The following CPSF4 variants were observed in gnomAD, a reference collection of about 807,000 sequenced individuals.
The protein encoded by CPSF4 is cleavage and polyadenylation specific factor 4.
In CPSF4, 11 loss-of-function variants were observed where a neutral mutation model predicts 37.7. The ratio of observed to expected loss-of-function variants is 0.29; its 90% CI spans 0.18 to 0.48. The LOEUF is 0.48. CPSF4 is among the 20% of genes least tolerant of loss of function. CPSF4 has a pLI of 0.99. For missense variants in CPSF4, 144 were observed against 359.5 expected, an observed-to-expected ratio of 0.40 and a Z score of 4.85; for synonymous variants, 132 against 135.9, an observed-to-expected ratio of 0.97 and a Z score of 0.20.
chr7:99,448,047 C>G lies in CPSF4; in HGVS notation c.155-74C>G, dbSNP rs1797668935. The stretch of plus-strand genomic sequence containing the variant: ...CAGGAGTTAGGAAGTGAAGGTACCT[C>G]AGCTTCTTCAGGCCGTGTCCCCCAG... On this transcript the variant is annotated intron_variant, in intron 2 of 7. Transcript: ENST00000292476. This position sits in a 1 kb window ranked among gnomAD's most constrained non-coding sequence, Gnocchi z 4.4. The G allele has an allele frequency of 5.3e-6, 8 of 1,510,390 alleles. No individual in the cohort carries two copies. Among genetic ancestry groups the G allele is most frequent in the Non-Finnish European group, 7.3e-6 (8 of 1,102,800 alleles). 93.6% of individuals were successfully genotyped at this position (1,510,390 alleles called of 1,614,324 possible). A position where few individuals can be genotyped will look rare whatever the true frequency, so the allele number is the denominator to read the frequency against.
chr7:99,452,367 G>T lies in CPSF4; in HGVS notation c.498-1G>T. 6.2e-7 allele frequency: 1 copy of T among 1,613,732 alleles called. No homozygotes were observed. Among genetic ancestry groups the T allele is most frequent in the Non-Finnish European group, 8.5e-7 (1 of 1,179,784 alleles). ...CATCCCCTCTGGCTGCTGGTGACCA[G>T]CCCTCGATTTGAACTGCCCATGGGA... On this transcript the variant is annotated splice_acceptor_variant, in intron 5 of 7. Coordinates refer to ENST00000292476, the MANE Select transcript of CPSF4 (RefSeq NM_006693.4). LOFTEE classifies it high-confidence loss of function.
rs1562868115 is a variant in CPSF4 at position 99,456,582 on chromosome 7, G to GC, written c.*83dup. 4.2e-6 allele frequency: 5 copies of GC among 1,204,222 alleles called. No individual in the cohort carries two copies. The South Asian group carries it at 6.2e-5, about 15-fold the overall frequency. The allele number at this position is 1,204,222 out of a possible 1,614,324, so 74.6% of individuals were successfully genotyped here. ...TTAACTGTTTCATGCGCTTGTTGGC[G>GC]CGACTGTGGCTCGAGCTGGCCCGCA... On this transcript the variant is annotated 3_prime_UTR_variant, in exon 8 of 8. Transcript: ENST00000292476.
chr7:99,442,959 C>T, intron 1 of CPSF4: 2 of 1,593,062 alleles, frequency 1.3e-6, no homozygotes, highest in African/African-American at 1.3e-5. Context: ...TCCAGCTGAA[C>T]TTGTGACAAT....
chr7:99,444,753 CT>C, intron 1 of CPSF4, 35 bp from the exon 2 acceptor site: 1 of 1,602,052 alleles, frequency 6.2e-7, no homozygotes. Context: ...CAAATTGCAC[CT>C]CTTTGATTCC....
Position 99,448,497 on chromosome 7 carries a change from G to T in CPSF4, c.307+224G>T. 2.1e-6 allele frequency: 1 copy of T among 469,248 alleles called. No individual in the cohort carries two copies. Among genetic ancestry groups the T allele is most frequent in the African/African-American group, 2.2e-5 (1 of 45,428 alleles). The allele number at this position is 469,248 out of a possible 1,614,324, so 29.1% of individuals were successfully genotyped here. Reference sequence around the variant, plus strand: ...TTTTTTTTTAAAGACATAGGGTCTCGCTATGTTTCACATACTGGTCTTGAA... The same window carrying T: ...TTTTTTTTTAAAGACATAGGGTCTCTCTATGTTTCACATACTGGTCTTGAA... On this transcript the variant is annotated intron_variant, in intron 3 of 7. Transcript: ENST00000292476. The surrounding 1 kb of genome is among the most constrained non-coding windows in gnomAD (Gnocchi z 4.4).
chr7:99,450,454 C>T (rs1468630457), intron 4 of CPSF4, 83 bp downstream of exon 4: 6 of 971,400 alleles, frequency 6.2e-6, no homozygotes, highest in Non-Finnish European at 8.0e-6. Flanking sequence ...GCCAGCTGGT[C>T]TACCTGTCCC....
In CPSF4 at chr7:99,456,981, C is replaced by G. The variant is rs953248644; in HGVS notation, c.*481C>G. 1 of 262,774 alleles carries G rather than the reference C, an allele frequency of 3.8e-6. No homozygotes were observed. Among genetic ancestry groups the G allele is most frequent in the Admixed American group, 4.8e-5 (1 of 20,974 alleles). The allele number at this position is 262,774 out of a possible 1,614,324, so 16.3% of individuals were successfully genotyped here. On this transcript the variant is annotated 3_prime_UTR_variant, in exon 8 of 8. Coordinates refer to ENST00000292476, the MANE Select transcript of CPSF4 (RefSeq NM_006693.4). The stretch of plus-strand genomic sequence containing the variant: ...TATATCTGTGATTTGAATGAGGGAG[C>G]CCTTTGGGGCAAATTCAGGTGCCCC...
intron 1 of CPSF4, chr7:99,439,484 C>G: frequency 3.0e-6 from 1 of 330,038 alleles, no homozygotes; most frequent in African/African-American, 2.1e-5. Context: ...CCCTTGGTTT[C>G]AGGACTCCTG....
chr7:99,448,849 A>C lies in CPSF4; in HGVS notation c.307+576A>C, dbSNP rs114656963. On this transcript the variant is annotated intron_variant, in intron 3 of 7. Coordinates refer to ENST00000292476, the MANE Select transcript of CPSF4 (RefSeq NM_006693.4). This position sits in a 1 kb window ranked among gnomAD's most constrained non-coding sequence, Gnocchi z 4.4. ...TGGTGACATCTCAGCCATCCTAAAT[A>C]GCCCTTCAAAATAACAGCCTCAGAT... 1,946 of 152,680 alleles carry C rather than the reference A, an allele frequency of 0.013. 36 individuals carry two copies. The highest frequency in any genetic ancestry group is 0.044 in the African/African-American group (1,845 of 41,554). The allele number at this position is 152,680 out of a possible 1,614,324, so 9.5% of individuals were successfully genotyped here. A position where few individuals can be genotyped will look rare whatever the true frequency, so the allele number is the denominator to read the frequency against.
At chr7:99,440,081 C>T (rs375233985) in intron 1 of CPSF4, among the ~76,000 whole-genome samples, 1 of 152,194 alleles carries the variant, frequency 6.6e-6, no homozygotes, top group Non-Finnish European at 1.5e-5. Flanking sequence ...TACTTGAAAT[C>T]TAATGCTATA....
At position 99,448,092 on chromosome 7, in the gene CPSF4, C is replaced by CT; in HGVS notation, c.155-28dup. On this transcript the variant is annotated intron_variant, in intron 2 of 7. Coordinates refer to ENST00000292476, the MANE Select transcript of CPSF4 (RefSeq NM_006693.4). The surrounding 1 kb of genome is among the most constrained non-coding windows in gnomAD (Gnocchi z 4.4). ...CCCCAGGCTCAGGGTGGCCTCTCTG[C>CT]TGACACCCTGTCCCTATCTTGCCGG... 6.2e-7 allele frequency: 1 copy of CT among 1,610,668 alleles called. No individual in the cohort carries two copies. The highest frequency in any genetic ancestry group is 8.5e-7 in the Non-Finnish European group (1 of 1,178,310).
At chr7:99,443,634 G>A in intron 1 of CPSF4, 3 of 492,620 alleles carry the variant, frequency 6.1e-6, no homozygotes, top group Non-Finnish European at 1.1e-5. Context: ...ATAATTGTAT[G>A]TGGGCCAGGT....
At chr7:99,455,629 CAG>C (rs1316701574) in intron 7 of CPSF4, among the ~76,000 whole-genome samples, 3 of 152,198 alleles carry the variant, frequency 2.0e-5, no homozygotes, top group African/African-American at 4.8e-5. Flanking sequence ...GGTGTCAGTA[CAG>C]AGTCAGTGCC....
At chr7:99,449,971 G>A (rs1307468414) in intron 3 of CPSF4, among the ~76,000 whole-genome samples, 1 of 152,216 alleles carries the variant, frequency 6.6e-6, no homozygotes, top group Non-Finnish European at 1.5e-5. Context: ...CAGGAAGGCG[G>A]TTCTTGGTGC....
At chr7:99,443,479 CACCATCTCAGTT>C (rs1451275600) in intron 1 of CPSF4, 1 of 878,272 alleles carries the variant, frequency 1.1e-6, no homozygotes, top group Non-Finnish European at 1.9e-6. Flanking sequence ...TATGGAGCTC[CACCATCTCAGTT>C]ACCATCTTGT....
intron 1 of CPSF4, among the ~76,000 whole-genome samples, chr7:99,440,273 G>A (rs1305140954): frequency 6.6e-6 from 1 of 152,148 alleles, no homozygotes; most frequent in Non-Finnish European, 1.5e-5. Flanking sequence ...GCTCCCAGCA[G>A]CCTCACTCCC....
Position 99,448,356 on chromosome 7 carries a change from C to T in CPSF4, c.307+83C>T. On this transcript the variant is annotated intron_variant, in intron 3 of 7. Transcript: ENST00000292476. This position sits in a 1 kb window ranked among gnomAD's most constrained non-coding sequence, Gnocchi z 4.4. ...TGGCTGCTCAGTGCCCACACTGTCT[C>T]TGCCTGCTTTTCCCATCTTTCTATT... 7.0e-7 allele frequency: 1 copy of T among 1,432,678 alleles called. No individual in the cohort carries two copies. The highest frequency in any genetic ancestry group is 9.4e-7 in the Non-Finnish European group (1 of 1,058,840). 88.7% of individuals were successfully genotyped at this position (1,432,678 alleles called of 1,614,324 possible). A position where few individuals can be genotyped will look rare whatever the true frequency, so the allele number is the denominator to read the frequency against.
intron 1 of CPSF4, among the ~76,000 whole-genome samples, chr7:99,443,748 A>C (rs187998790): frequency 4.0e-5 from 6 of 151,470 alleles, no homozygotes; most frequent in East Asian, 2.0e-4. Context: ...GCAAAACCCT[A>C]TCTCTACTAA....
At chr7:99,440,521 TTG>T (rs1796811227) in intron 1 of CPSF4, among the ~76,000 whole-genome samples, 1 of 151,426 alleles carries the variant, frequency 6.6e-6, no homozygotes, top group African/African-American at 2.4e-5. Flanking sequence ...GCAAATTTTT[TTG>T]TGTGTATTTC....
Sources: gnomAD v4.1 joint callset for allele counts (sites outside exome capture counted in the v4.1 genomes callset) on GRCh38, gnomAD v4.1.1 for gene constraint, Gnocchi (gnomAD v3.1) non-coding constraint, MANE v1.5 for transcripts, NCBI Gene and HGNC (gene_info 2026-07-23, HGNC 2026-07-21) for gene names.